POTED: variants seen among roughly 807,000 people sequenced by gnomAD.
POTED encodes the protein ANKRD26-like family B member 3.
POTED carries 7 observed loss-of-function variants against 19.0 expected under a neutral mutation model. The ratio of observed to expected loss-of-function variants is 0.37; its 90% confidence interval spans 0.21 to 0.69. The LOEUF is 0.69. Ranked by LOEUF, POTED falls within the 30% of genes least tolerant of loss-of-function variation. POTED has a pLI of 0.56. For missense variants in POTED, 54 were observed against 278.5 expected, an observed-to-expected ratio of 0.19 and a Z score of 5.74; for synonymous variants, 16 against 92.0, an observed-to-expected ratio of 0.17 and a Z score of 4.73.
Position 13,609,978 on chromosome 21 carries a change from G to A in POTED, c.-251G>A. ...CTTGACTGGGCTGGGTGTTTCCTTC[G>A]GAGGGGGGGCTTGGCCTTTCCTGGG... On this transcript the variant is annotated 5_prime_UTR_variant, in exon 1 of 11. Transcript: ENST00000299443. 3.1e-6 allele frequency: 1 copy of A among 323,186 alleles called. No individual in the cohort carries two copies. Among genetic ancestry groups the A allele is most frequent in the South Asian group, 3.5e-5 (1 of 28,194 alleles). 20.0% of individuals were successfully genotyped at this position (323,186 alleles called of 1,614,324 possible).
intron 6 of POTED, among the ~76,000 whole-genome samples, chr21:13,627,457 A>C (rs150889550): frequency 0.046 from 4,522 of 98,784 alleles, 1,189 homozygotes; most frequent in East Asian, 0.24. Context: ...AAAAAACAAA[A>C]AAAAAAAAGA....
At chr21:13,639,726 T>A in intron 10 of POTED, 88 bp downstream of exon 10, 3 of 560,532 alleles carry the variant, frequency 5.4e-6, no homozygotes, top group Non-Finnish European at 7.2e-6. Context: ...GATTTTTAAA[T>A]CACATATATA....
Position 13,612,626 on chromosome 21 carries a change from A to G in POTED, c.521+1877A>G, listed in dbSNP as rs1359076719. Among the ~76,000 whole-genome samples, 12 of 83,684 alleles carry G rather than the reference A, an allele frequency of 1.4e-4. 5 individuals carry two copies. Among genetic ancestry groups the G allele is most frequent in the Non-Finnish European group, 2.1e-4 (10 of 46,764 alleles). The allele number at this position is 83,684 out of a possible 152,430, so 54.9% of individuals were successfully genotyped here. A position where few individuals can be genotyped will look rare whatever the true frequency, so the allele number is the denominator to read the frequency against. ...TCAAATAGACACTTTGATGGTAAGA[A>G]CCATATTTTTAAAATGTGTATGCCT... On this transcript the variant is annotated intron_variant, in intron 1 of 10. Transcript: ENST00000299443.
chr21:13,637,005 T>TATATA lies in POTED; in HGVS notation c.1410-2510_1410-2509insATATA, dbSNP rs1491152956. 2.4e-4 allele frequency among the ~76,000 whole-genome samples: 3 copies of TATATA among 12,368 alleles called. 1 individual carries two copies. Among genetic ancestry groups the TATATA allele is most frequent in the African/African-American group, 8.5e-4 (1 of 1,180 alleles). 8.1% of individuals were successfully genotyped at this position (12,368 alleles called of 152,430 possible). A position where few individuals can be genotyped will look rare whatever the true frequency, so the allele number is the denominator to read the frequency against. On this transcript the variant is annotated intron_variant, in intron 9 of 10. Coordinates refer to ENST00000299443, the MANE Select transcript of POTED (RefSeq NM_174981.6). ...ACCCAGTCTCAGGTATATATATATA[T>TATATA]TTTTTTTTTTTTTTCTTTATTCCAC...
In POTED at chr21:13,636,461, C is replaced by T. The variant is rs1411512374; in HGVS notation, c.1410-3054C>T. ...TTCTCAGTACAATAACGGTGATATTCTTATACATCTTTACCTCATTTAAAA... is the reference window on the plus strand; with the variant it reads ...TTCTCAGTACAATAACGGTGATATTTTTATACATCTTTACCTCATTTAAAA... On this transcript the variant is annotated intron_variant, in intron 9 of 10. Coordinates refer to ENST00000299443, the MANE Select transcript of POTED (RefSeq NM_174981.6). Among the ~76,000 whole-genome samples, 2 of 79,804 alleles carry T rather than the reference C, an allele frequency of 2.5e-5. 1 individual carries two copies. Among genetic ancestry groups the T allele is most frequent in the Non-Finnish European group, 4.4e-5 (2 of 45,626 alleles). The allele number at this position is 79,804 out of a possible 152,430, so 52.4% of individuals were successfully genotyped here.
chr21:13,637,004 A>ATTTTTT (rs1208399825), intron 9 of POTED, among the ~76,000 whole-genome samples: 3 of 16,466 alleles, frequency 1.8e-4, no homozygotes, highest in Non-Finnish European at 2.9e-4. Flanking sequence ...ATATATATAT[A>ATTTTTT]TTTTTTTTTT....
In POTED at chr21:13,623,784, A is replaced by G. The variant is rs2011176355; in HGVS notation, c.1126+909A>G. ...GTTTCACATTAACAAAAATACTAGTATGCCACCTGGTTGTGGACACCTAAT... is the reference window on the plus strand; with the variant it reads ...GTTTCACATTAACAAAAATACTAGTGTGCCACCTGGTTGTGGACACCTAAT... On this transcript the variant is annotated intron_variant, in intron 6 of 10. Transcript: ENST00000299443. Among the ~76,000 whole-genome samples, 4 of 28,144 alleles carry G rather than the reference A, an allele frequency of 1.4e-4. 1 individual carries two copies. Among genetic ancestry groups the G allele is most frequent in the Non-Finnish European group, 1.1e-4 (2 of 17,740 alleles). 18.5% of individuals were successfully genotyped at this position (28,144 alleles called of 152,430 possible).
chr21:13,635,105 T>A lies in POTED; in HGVS notation c.1409+3998T>A, dbSNP rs2011230122. Among the ~76,000 whole-genome samples, 2 of 81,334 alleles carry A rather than the reference T, an allele frequency of 2.5e-5. 1 individual carries two copies. Among genetic ancestry groups the A allele is most frequent in the Non-Finnish European group, 4.3e-5 (2 of 46,150 alleles). 53.4% of individuals were successfully genotyped at this position (81,334 alleles called of 152,430 possible). ...TGTGTGTTTTTCTCACTCTCATGAA[T>A]AGGGTTTTTATTTTTCACTACCATA... On this transcript the variant is annotated intron_variant, in intron 9 of 10. Coordinates refer to ENST00000299443, the MANE Select transcript of POTED (RefSeq NM_174981.6).
In POTED at chr21:13,611,849, C is replaced by T. The variant is rs2123205266; in HGVS notation, c.521+1100C>T. 4.3e-5 allele frequency among the ~76,000 whole-genome samples: 2 copies of T among 46,650 alleles called. 1 individual carries two copies. The highest frequency in any genetic ancestry group is 1.4e-3 in the South Asian group (2 of 1,468). The allele number at this position is 46,650 out of a possible 152,430, so 30.6% of individuals were successfully genotyped here. ...TTCTCTGCCTCAGCCTACCAAGTAG[C>T]TGGGATTACAGGCACCCACCACCAT... is the stretch of plus-strand genomic sequence containing the variant. On this transcript the variant is annotated intron_variant, in intron 1 of 10. Coordinates refer to ENST00000299443, the MANE Select transcript of POTED (RefSeq NM_174981.6).
intron 9 of POTED, among the ~76,000 whole-genome samples, chr21:13,637,006 T>TATATATATATATATATATATATA (rs1568899102): frequency 1.0e-4 from 1 of 9,966 alleles, no homozygotes; most frequent in Non-Finnish European, 1.6e-4. Context: ...ATATATATAT[T>TATATATATATATATATATATATA]TTTTTTTTTT....
chr21:13,610,840 C>T lies in POTED; in HGVS notation c.521+91C>T. The T allele has an allele frequency of 3.2e-6, 3 of 932,078 alleles. 1 individual carries two copies. The highest frequency in any genetic ancestry group is 4.2e-6 in the Non-Finnish European group (3 of 718,460). 57.7% of individuals were successfully genotyped at this position (932,078 alleles called of 1,614,324 possible). On this transcript the variant is annotated intron_variant, in intron 1 of 10. Transcript: ENST00000299443. The stretch of plus-strand genomic sequence containing the variant: ...CAGGGAGGGAGGAGCCAGGCTTTCT[C>T]TTCCTCCGCAGGCCCCACACCACCC...
chr21:13,627,458 A>G (rs2011191024), intron 6 of POTED, among the ~76,000 whole-genome samples: 1 of 99,380 alleles, frequency 1.0e-5, no homozygotes, highest in Non-Finnish European at 1.9e-5. Flanking sequence ...AAAAACAAAA[A>G]AAAAAAAGAA....
chr21:13,643,684 G>A lies in POTED; in HGVS notation c.*2118G>A, dbSNP rs1337856446. Among the ~76,000 whole-genome samples the A allele has an allele frequency of 5.4e-5, 4 of 74,452 alleles. 1 individual carries two copies. Among genetic ancestry groups the A allele is most frequent in the Non-Finnish European group, 9.3e-5 (4 of 43,020 alleles). 48.8% of individuals were successfully genotyped at this position (74,452 alleles called of 152,430 possible). On this transcript the variant is annotated 3_prime_UTR_variant, in exon 11 of 11. Coordinates refer to ENST00000299443, the MANE Select transcript of POTED (RefSeq NM_174981.6). ...TTCGGGTGCCCACACCATAGCTTCT[G>A]TACAAGCGGACCATGCCTGATCAAT...
chr21:13,633,631 T>C (rs2011223057), intron 9 of POTED, among the ~76,000 whole-genome samples: 1 of 72,562 alleles, frequency 1.4e-5, no homozygotes, highest in Non-Finnish European at 2.4e-5. Flanking sequence ...GAGACAGAGT[T>C]TTGCTCTGTC....
chr21:13,636,550 G>C lies in POTED; in HGVS notation c.1410-2965G>C, dbSNP rs2878240. On this transcript the variant is annotated intron_variant, in intron 9 of 10. Transcript: ENST00000299443. ...ATTTTTACTAAATACTAGGCTAAAA[G>C]TGAAGAAAATTTACCAGGTCATTTT... is the stretch of plus-strand genomic sequence containing the variant. Among the ~76,000 whole-genome samples the C allele has an allele frequency of 2.5e-5, 2 of 81,200 alleles. 1 individual carries two copies. Among genetic ancestry groups the C allele is most frequent in the Non-Finnish European group, 4.3e-5 (2 of 46,168 alleles). The allele number at this position is 81,200 out of a possible 152,430, so 53.3% of individuals were successfully genotyped here.
Position 13,636,992 on chromosome 21 carries a change from G to GTATATATATA in POTED, c.1410-2519_1410-2510dup, listed in dbSNP as rs1367233527. Reference sequence around the variant, plus strand: ...TCCTTTATGAATTACCCAGTCTCAGGTATATATATATATTTTTTTTTTTTT... The same window carrying GTATATATATA: ...TCCTTTATGAATTACCCAGTCTCAGGTATATATATATATATATATATATTTTTTTTTTTTT... On this transcript the variant is annotated intron_variant, in intron 9 of 10. Transcript: ENST00000299443. Among the ~76,000 whole-genome samples the GTATATATATA allele has an allele frequency of 3.1e-4, 4 of 13,094 alleles. 2 individuals carry two copies. The highest frequency in any genetic ancestry group is 2.2e-3 in the African/African-American group (2 of 898). 8.6% of individuals were successfully genotyped at this position (13,094 alleles called of 152,430 possible).
rs1430129748 is a variant in POTED, at chr21:13,614,435, ACCAGG to A, written c.522-687_522-683del. Reference sequence around the variant, plus strand: ...TAACATATTCTACTTAGTATAAGGCACCAGGGATTGTATGATGCCCCATTATTTTA... The same window carrying A: ...TAACATATTCTACTTAGTATAAGGCAGATTGTATGATGCCCCATTATTTTA... On this transcript the variant is annotated intron_variant, in intron 1 of 10. Coordinates refer to ENST00000299443, the MANE Select transcript of POTED (RefSeq NM_174981.6). 5.0e-5 allele frequency among the ~76,000 whole-genome samples: 4 copies of A among 79,442 alleles called. 2 individuals carry two copies. In the East Asian group the frequency reaches 3.0e-3, roughly 60 times the overall value. The allele number at this position is 79,442 out of a possible 152,430, so 52.1% of individuals were successfully genotyped here.
At chr21:13,616,190 A>C in intron 3 of POTED, among the ~76,000 whole-genome samples, 1 of 86,544 alleles carries the variant, frequency 1.2e-5, no homozygotes, top group Non-Finnish European at 2.2e-5. Context: ...TTGTTCATTC[A>C]TTTGTTTCCT....
Position 13,633,663 on chromosome 21 carries a change from T to C in POTED, c.1409+2556T>C, listed in dbSNP as rs2011223236. Among the ~76,000 whole-genome samples the C allele has an allele frequency of 2.6e-5, 2 of 76,802 alleles. 1 individual carries two copies. The highest frequency in any genetic ancestry group is 4.5e-5 in the Non-Finnish European group (2 of 44,358). 50.4% of individuals were successfully genotyped at this position (76,802 alleles called of 152,430 possible). On this transcript the variant is annotated intron_variant, in intron 9 of 10. Transcript: ENST00000299443. Reference sequence around the variant, plus strand: ...TGTCACCCAGGCTGGAGTTCAGTGGTGTGATCTCGGCTCACTACAACCTCT... The same window carrying C: ...TGTCACCCAGGCTGGAGTTCAGTGGCGTGATCTCGGCTCACTACAACCTCT...
Sources: allele counts gnomAD v4.1 joint callset (sites outside exome capture counted in the v4.1 genomes callset), GRCh38; gene constraint gnomAD v4.1.1; transcripts MANE v1.5; gene names NCBI Gene and HGNC (gene_info 2026-07-23, HGNC 2026-07-21).